The following CAB39 variants were observed in gnomAD, a reference collection of about 807,000 sequenced individuals.
The protein encoded by CAB39 is calcium binding protein 39, also known as calcium-binding protein 39.
In CAB39, 8 loss-of-function variants were observed where a neutral mutation model predicts 40.0. The observed-to-expected ratio is 0.20, with a 90% CI of 0.12 to 0.36. CAB39 has a LOEUF of 0.36. Among genes scored for constraint, CAB39 ranks in the 10% least tolerant of loss-of-function variants. The pLI, the probability that CAB39 is intolerant of heterozygous loss-of-function variation, is 1.00. For missense variants in CAB39, 270 were observed against 401.1 expected (o/e 0.67, Z 2.79); for synonymous variants, 156 against 141.6 (o/e 1.10, Z -0.72).
Position 230,769,194 on chromosome 2 carries a change from T to C in CAB39, c.114+9079T>C, listed in dbSNP as rs141010397. Among the ~76,000 whole-genome samples the C allele has an allele frequency of 9.2e-4, 140 of 152,332 alleles. 1 individual carries two copies. The highest frequency in any genetic ancestry group is 3.3e-3 in the African/African-American group (137 of 41,596). On this transcript the variant is annotated intron_variant, in intron 2 of 8. Coordinates refer to ENST00000258418, the MANE Select transcript of CAB39 (RefSeq NM_016289.4). ...TTTATGATAAAGTAGGGGTGAAATG[T>C]TCCAACAGATATAATAATTCTAAAC...
chr2:230,766,227 T>G (rs868313807), intron 2 of CAB39, among the ~76,000 whole-genome samples: 1 of 152,218 alleles, frequency 6.6e-6, no homozygotes, highest in Non-Finnish European at 1.5e-5. Flanking sequence ...TTGAGCATTG[T>G]TCTGGAAATT....
intron 5 of CAB39, among the ~76,000 whole-genome samples, chr2:230,806,432 C>G (rs1218011915): frequency 6.6e-6 from 1 of 152,084 alleles, no homozygotes; most frequent in African/African-American, 2.4e-5. Context: ...CCACTATGAG[C>G]TTATCAGGTA....
chr2:230,803,429 T>TA (rs1163871569), intron 5 of CAB39, among the ~76,000 whole-genome samples: 1 of 152,082 alleles, frequency 6.6e-6, no homozygotes, highest in Non-Finnish European at 1.5e-5. Context: ...GAGAAGGAAA[T>TA]AAAGGGTATT....
intron 2 of CAB39, among the ~76,000 whole-genome samples, chr2:230,784,162 G>A (rs77741440): frequency 0.017 from 2,620 of 152,198 alleles, 75 homozygotes; most frequent in African/African-American, 0.058. Flanking sequence ...GTTAGCTATT[G>A]GGGCGAGGTG....
At chr2:230,714,485 AAGCTC>A (rs1469749435) in intron 1 of CAB39, among the ~76,000 whole-genome samples, 1 of 152,228 alleles carries the variant, frequency 6.6e-6, no homozygotes. Flanking sequence ...TCTATAAAAT[AAGCTC>A]ATCTGCACAC....
At chr2:230,717,336 A>G (rs952802643) in intron 1 of CAB39, among the ~76,000 whole-genome samples, 2 of 152,206 alleles carry the variant, frequency 1.3e-5, no homozygotes, top group Non-Finnish European at 2.9e-5. Context: ...GGCCATTGTA[A>G]GAAGACTTGT....
chr2:230,791,049 TTTC>T lies in CAB39; in HGVS notation c.279+16_279+18del. ...CATTGACTTTGAGGTAAGAAATCAA[TTTC>T]TTATTTTTAAAAAACAGTACCCTGT... On this transcript the variant is annotated intron_variant, in intron 3 of 8. Coordinates refer to ENST00000258418, the MANE Select transcript of CAB39 (RefSeq NM_016289.4). 1.9e-6 allele frequency: 3 copies of T among 1,560,810 alleles called. No individual in the cohort carries two copies. Among genetic ancestry groups the T allele is most frequent in the Non-Finnish European group, 2.6e-6 (3 of 1,153,882 alleles).
chr2:230,819,945 T>G lies in CAB39; in HGVS notation c.*1241T>G, dbSNP rs1050786037. On this transcript the variant is annotated 3_prime_UTR_variant, in exon 9 of 9. Coordinates refer to ENST00000258418, the MANE Select transcript of CAB39 (RefSeq NM_016289.4). ...GTTGTGAACTGAATAATTAAAACTT[T>G]GGCTTCTCTTAGGAAAAGACGACTT... 1 of 152,670 alleles carries G rather than the reference T, an allele frequency of 6.6e-6. No homozygotes were observed. The highest frequency in any genetic ancestry group is 2.4e-5 in the African/African-American group (1 of 41,458). 9.5% of individuals were successfully genotyped at this position (152,670 alleles called of 1,614,324 possible).
intron 1 of CAB39, among the ~76,000 whole-genome samples, chr2:230,750,802 T>C (rs931392797): frequency 6.6e-6 from 1 of 152,226 alleles, no homozygotes; most frequent in Admixed American, 6.5e-5. Context: ...CTAAGCACTT[T>C]TTAATTCTTA....
chr2:230,746,485 A>G (rs986726863), intron 1 of CAB39, among the ~76,000 whole-genome samples: 1 of 152,168 alleles, frequency 6.6e-6, no homozygotes, highest in African/African-American at 2.4e-5. Flanking sequence ...ACCCAGATCA[A>G]CCCTTTGAAT....
At chr2:230,734,535 G>A (rs1437252020) in intron 1 of CAB39, among the ~76,000 whole-genome samples, 1 of 152,124 alleles carries the variant, frequency 6.6e-6, no homozygotes, top group African/African-American at 2.4e-5. Flanking sequence ...AAATGGTTCT[G>A]GGGGTGATAT....
intron 5 of CAB39, among the ~76,000 whole-genome samples, chr2:230,807,025 C>T (rs1696207979): frequency 6.6e-6 from 1 of 152,114 alleles, no homozygotes; most frequent in Admixed American, 6.5e-5. Flanking sequence ...GATCCCTAGT[C>T]TTTCTTCCAT....
chr2:230,732,328 C>T (rs754768746), intron 1 of CAB39, among the ~76,000 whole-genome samples: 4 of 151,810 alleles, frequency 2.6e-5, no homozygotes, highest in South Asian at 2.1e-4. Flanking sequence ...GTGATCCACC[C>T]ACCTCGGCCT....
intron 2 of CAB39, among the ~76,000 whole-genome samples, chr2:230,776,035 A>G (rs933655227): frequency 6.6e-6 from 1 of 151,744 alleles, no homozygotes; most frequent in African/African-American, 2.4e-5. Context: ...TTTGGCAGGC[A>G]AAGTGTGAAA....
rs369630089 is a variant in CAB39 at position 230,804,094 on chromosome 2, G to A, written c.567+5197G>A. On this transcript the variant is annotated intron_variant, in intron 5 of 8. Coordinates refer to ENST00000258418, the MANE Select transcript of CAB39 (RefSeq NM_016289.4). ...GAACAGAGGCCTCAGAAATAACACCGCACACCTACAACCATCTGATCTTTG... is the reference window on the plus strand; with the variant it reads ...GAACAGAGGCCTCAGAAATAACACCACACACCTACAACCATCTGATCTTTG... Among the ~76,000 whole-genome samples the A allele has an allele frequency of 1.0e-3, 158 of 152,132 alleles. 2 individuals are homozygous for A. In the South Asian group the frequency reaches 0.031, roughly 30 times the overall value.
chr2:230,804,847 G>A (rs1233096195), intron 5 of CAB39, among the ~76,000 whole-genome samples: 1 of 152,158 alleles, frequency 6.6e-6, no homozygotes, highest in African/African-American at 2.4e-5. Flanking sequence ...GGCGATTCCT[G>A]AAGGCTCTAG....
intron 1 of CAB39, among the ~76,000 whole-genome samples, chr2:230,738,700 A>C (rs1320010508): frequency 6.6e-6 from 1 of 152,178 alleles, no homozygotes; most frequent in Admixed American, 6.5e-5. Flanking sequence ...GAAACCTTCC[A>C]ATCTCCTACT....
At chr2:230,729,972 G>C (rs1355585454) in intron 1 of CAB39, among the ~76,000 whole-genome samples, 1 of 152,068 alleles carries the variant, frequency 6.6e-6, no homozygotes, top group African/African-American at 2.4e-5. Context: ...TTTCCAGGTT[G>C]AATCAGTGTA....
chr2:230,756,655 C>CTGTT (rs527858587), intron 1 of CAB39, among the ~76,000 whole-genome samples: 4,987 of 138,160 alleles, frequency 0.036, 129 homozygotes, highest in East Asian at 0.12. Context: ...TAGTTTCTAA[C>CTGTT]TGTTTGTTTA....
Sources: allele counts gnomAD v4.1 joint callset (sites outside exome capture counted in the v4.1 genomes callset), GRCh38; gene constraint gnomAD v4.1.1; transcripts MANE v1.5; gene names NCBI Gene and HGNC (gene_info 2026-07-23, HGNC 2026-07-21).